Variants in GRIK4 observed in about 807,000 individuals in gnomAD.
The protein encoded by GRIK4 is glutamate ionotropic receptor kainate type subunit 4.
GRIK4 carries 40 observed loss-of-function variants against 104.9 expected under a neutral mutation model. The observed-to-expected ratio is 0.38, with a 90% CI of 0.30 to 0.50. The LOEUF (loss-of-function observed/expected upper bound fraction) is 0.50, where lower values mean the gene tolerates loss of function less well. GRIK4 is among the 20% of genes least tolerant of loss of function. The pLI, the probability that GRIK4 is intolerant of heterozygous loss-of-function variation, is 0.93. For synonymous variants in GRIK4, 485 were observed against 524.9 expected, an observed-to-expected ratio of 0.92 and a Z score of 1.04; for missense variants, 1,047 against 1,308.1, an observed-to-expected ratio of 0.80 and a Z score of 3.08.
chr11:120,832,764 AAG>A (rs755108418), intron 7 of GRIK4, among the ~76,000 whole-genome samples: 1 of 152,162 alleles, frequency 6.6e-6, no homozygotes, highest in Non-Finnish European at 1.5e-5. Flanking sequence ...AGGCTGATCC[AAG>A]AGAGAGAGAC....
chr11:120,788,073 G>C lies in GRIK4; in HGVS notation c.83-14620G>C, dbSNP rs148676936. On this transcript the variant is annotated intron_variant, in intron 3 of 20. Coordinates refer to ENST00000527524, the MANE Select transcript of GRIK4 (RefSeq NM_014619.5). The stretch of plus-strand genomic sequence containing the variant: ...TTTAGTAGAGATGGGGTTTCACCAT[G>C]TTGGCCAGGATGGTCTCAATCTCCT... Among the ~76,000 whole-genome samples the C allele has an allele frequency of 4.6e-3, 686 of 150,696 alleles. 8 individuals carry two copies. Among genetic ancestry groups the C allele is most frequent in the African/African-American group, 0.016 (659 of 40,972 alleles).
At chr11:120,783,690 C>T (rs971794799) in intron 3 of GRIK4, among the ~76,000 whole-genome samples, 1 of 152,198 alleles carries the variant, frequency 6.6e-6, no homozygotes, top group Non-Finnish European at 1.5e-5. Flanking sequence ...TCTTTCCCCT[C>T]GTCCCTCTAT....
chr11:120,815,500 A>T (rs1448552459), intron 5 of GRIK4, 25 bp downstream of exon 5: 1 of 1,363,816 alleles, frequency 7.3e-7, no homozygotes, highest in South Asian at 1.3e-5. Flanking sequence ...GGGCTGGGGA[A>T]TATCTGTGTG....
At chr11:120,571,348 G>A (rs1215212271) in intron 1 of GRIK4, among the ~76,000 whole-genome samples, 1 of 152,162 alleles carries the variant, frequency 6.6e-6, no homozygotes, top group Non-Finnish European at 1.5e-5. Context: ...CTGCACTCTG[G>A]CTGGTTGCCT....
chr11:120,668,372 A>G (rs1347300461), intron 3 of GRIK4, among the ~76,000 whole-genome samples: 1 of 151,916 alleles, frequency 6.6e-6, no homozygotes, highest in Non-Finnish European at 1.5e-5. Flanking sequence ...AAAGAGGAAG[A>G]AAAGAAAGAA....
intron 13 of GRIK4, among the ~76,000 whole-genome samples, chr11:120,915,693 C>T (rs1487070443): frequency 6.6e-6 from 1 of 152,130 alleles, no homozygotes; most frequent in Non-Finnish European, 1.5e-5. Flanking sequence ...GACCCTTGCT[C>T]ACATGTCTTC....
At chr11:120,521,542 T>C (rs191905861) in intron 1 of GRIK4, among the ~76,000 whole-genome samples, 4 of 152,228 alleles carry the variant, frequency 2.6e-5, no homozygotes. Context: ...GAAAGCCACA[T>C]AGTTATTTGA....
chr11:120,915,655 G>C (rs1004441222), intron 13 of GRIK4, among the ~76,000 whole-genome samples: 1 of 152,076 alleles, frequency 6.6e-6, no homozygotes, highest in African/African-American at 2.4e-5. Context: ...GCTTATAGGG[G>C]GTCTGAATGG....
intron 3 of GRIK4, among the ~76,000 whole-genome samples, chr11:120,745,769 G>A (rs561206622): frequency 2.2e-4 from 33 of 152,322 alleles, no homozygotes; most frequent in African/African-American, 7.9e-4. Flanking sequence ...TTATTTAGGG[G>A]CCAGGATGAA....
At chr11:120,787,854 T>TTC (rs1454267795) in intron 3 of GRIK4, among the ~76,000 whole-genome samples, 2 of 13,156 alleles carry the variant, frequency 1.5e-4, no homozygotes, top group Non-Finnish European at 2.0e-4. Context: ...TTTCTTTTCT[T>TTC]TTTTTTTTTT....
At chr11:120,517,379 C>G (rs1947742227) in intron 1 of GRIK4, among the ~76,000 whole-genome samples, 1 of 148,954 alleles carries the variant, frequency 6.7e-6, no homozygotes. Flanking sequence ...GTGCGATCCT[C>G]TCCTGTCCTC....
intron 1 of GRIK4, among the ~76,000 whole-genome samples, chr11:120,565,372 T>G (rs984309953): frequency 6.6e-6 from 1 of 152,338 alleles, no homozygotes; most frequent in East Asian, 1.9e-4. Context: ...CTCTCCTCCT[T>G]TAATTAGCAG....
chr11:120,710,635 G>A (rs1448113332), intron 3 of GRIK4, among the ~76,000 whole-genome samples: 1 of 152,134 alleles, frequency 6.6e-6, no homozygotes, highest in Non-Finnish European at 1.5e-5. Context: ...TTTCTGTGCA[G>A]GGGTCAAAGG....
At chr11:120,976,084 A>G (rs1185910751) in intron 19 of GRIK4, among the ~76,000 whole-genome samples, 1 of 152,256 alleles carries the variant, frequency 6.6e-6, no homozygotes, top group Non-Finnish European at 1.5e-5. Flanking sequence ...TTATGAAAAC[A>G]TGAACAACCT....
Position 120,953,091 on chromosome 11 carries a change from G to C in GRIK4, c.1700+127G>C. Reference sequence around the variant, plus strand: ...TTGGGAAGATCTTGGTGCCAAACTAGAAGGACAGGAGAAGGACTGGGGGCC... The same window carrying C: ...TTGGGAAGATCTTGGTGCCAAACTACAAGGACAGGAGAAGGACTGGGGGCC... On this transcript the variant is annotated intron_variant, in intron 15 of 20. Coordinates refer to ENST00000527524, the MANE Select transcript of GRIK4 (RefSeq NM_014619.5). The surrounding 1 kb of genome is among the most constrained non-coding windows in gnomAD (Gnocchi z 4.9). 1.5e-6 allele frequency: 1 copy of C among 653,286 alleles called. No individual in the cohort carries two copies. Among genetic ancestry groups the C allele is most frequent in the South Asian group, 1.8e-5 (1 of 54,178 alleles). 40.5% of individuals were successfully genotyped at this position (653,286 alleles called of 1,614,324 possible). A position where few individuals can be genotyped will look rare whatever the true frequency, so the allele number is the denominator to read the frequency against.
chr11:120,806,120 A>C (rs73578591), intron 4 of GRIK4, among the ~76,000 whole-genome samples: 18,777 of 152,164 alleles, frequency 0.12, 3,741 homozygotes, highest in African/African-American at 0.42. Flanking sequence ...ACATAGCAGG[A>C]CTTCAGGAAG....
Position 120,831,967 on chromosome 11 carries a change from C to T in GRIK4, c.627C>T (p.Asp209=), listed in dbSNP as rs776916918. 2.9e-5 allele frequency: 46 copies of T among 1,613,774 alleles called. No homozygotes were observed. In the East Asian group the frequency reaches 4.9e-4, roughly 17 times the overall value. ...CCCCGCTCCTCAAGGAGATCCGGGA[C>T]GACAAGACCGCCACCATCATCATCC... ...DPTPLLKEIR[D]DKTATIIIHA... Residue 209 remains aspartate (D), a synonymous_variant, in exon 7 of 21, where the codon GAC becomes GAT. Coordinates refer to ENST00000527524, the MANE Select transcript of GRIK4 (RefSeq NM_014619.5).
At chr11:120,703,353 GT>G (rs1386595003) in intron 3 of GRIK4, among the ~76,000 whole-genome samples, 1 of 152,106 alleles carries the variant, frequency 6.6e-6, no homozygotes, top group Non-Finnish European at 1.5e-5. Context: ...GTAGCATAAT[GT>G]TCTAAAGGGG....
intron 1 of GRIK4, among the ~76,000 whole-genome samples, chr11:120,647,422 A>G (rs1949558667): frequency 6.6e-6 from 1 of 152,114 alleles, no homozygotes; most frequent in South Asian, 2.1e-4. Context: ...TTGCCCAGAA[A>G]CTTTTAATGG....
Sources: allele counts gnomAD v4.1 joint callset (sites outside exome capture counted in the v4.1 genomes callset), GRCh38; gene constraint gnomAD v4.1.1; non-coding constraint Gnocchi (gnomAD v3.1); transcripts MANE v1.5; gene names NCBI Gene and HGNC (gene_info 2026-07-23, HGNC 2026-07-21).